SYBU: variants seen among roughly 807,000 people sequenced by gnomAD.
The protein encoded by SYBU is GOLSYN A protein.
In SYBU, 21 loss-of-function variants were observed where a neutral mutation model predicts 35.9. The ratio of observed to expected loss-of-function variants is 0.58; its 90% confidence interval spans 0.41 to 0.84. SYBU has a LOEUF of 0.84. Ranked by LOEUF, SYBU falls within the 40% of genes least tolerant of loss-of-function variation. The probability of loss-of-function intolerance (pLI) is 0.00; values close to 1 mark genes in which losing one functional copy is unlikely to be tolerated. For synonymous variants in SYBU, 319 were observed against 324.3 expected (o/e 0.98, Z 0.18); for missense variants, 768 against 848.2 (o/e 0.91, Z 1.17).
Position 109,575,266 on chromosome 8 carries a change from A to C in SYBU, c.1632T>G (p.Thr544=). Residue 544 remains threonine (T), a synonymous_variant, in exon 7 of 7, where the codon ACT becomes ACG. Transcript: ENST00000276646. ...ESLSALVVDL[T]PRNPNSAILL... is the part of the protein sequence containing the mutation. ...GGATGGCTGAGTTTGGATTTCTTGGAGTTAAATCAACCACTAAGGCAGAGA... is the reference window on the plus strand; with the variant it reads ...GGATGGCTGAGTTTGGATTTCTTGGCGTTAAATCAACCACTAAGGCAGAGA... The C allele has an allele frequency of 1.2e-6, 2 of 1,614,130 alleles. No individual in the cohort carries two copies. Among genetic ancestry groups the C allele is most frequent in the Non-Finnish European group, 1.7e-6 (2 of 1,180,022 alleles).
chr8:109,684,676 G>A (rs1817479592), upstream of SYBU, among the ~76,000 whole-genome samples: 2 of 152,208 alleles, frequency 1.3e-5, no homozygotes. Context: ...AAGTAGGAGA[G>A]AACATTCTAG....
chr8:109,628,287 T>C (rs991010114), intron 2 of SYBU, among the ~76,000 whole-genome samples: 1 of 151,784 alleles, frequency 6.6e-6, no homozygotes, highest in Non-Finnish European at 1.5e-5. Context: ...GGTGAGAGGA[T>C]AGCTTGAGGA....
rs60532150 is a variant in SYBU, at chr8:109,688,640, C to CT, written c.-58+2692dup. ...TATCTTTATGAACATCAGTTTTGTT[C>CT]TTTTTTTTTCTATCCTATCCCGTCT... On this transcript the variant is annotated intron_variant, in intron 1 of 7. Coordinates refer to the SYBU transcript ENST00000422135. Among the ~76,000 whole-genome samples the CT allele has an allele frequency of 2.3e-3, 352 of 151,010 alleles. 1 individual carries two copies. The highest frequency in any genetic ancestry group is 6.5e-3 in the African/African-American group (268 of 41,218).
In SYBU at chr8:109,584,644, G is replaced by A. The variant is rs1892760; in HGVS notation, c.530+1416C>T. ...TAGAGCAATTGTGCTTTATTACTGCGGACTTCACTCTTTTGTTACAGGTTT... is the reference window on the plus strand; with the variant it reads ...TAGAGCAATTGTGCTTTATTACTGCAGACTTCACTCTTTTGTTACAGGTTT... On this transcript the variant is annotated intron_variant, in intron 4 of 6. Transcript: ENST00000276646. This position sits in a 1 kb window ranked among gnomAD's most constrained non-coding sequence, Gnocchi z 4.0. Among the ~76,000 whole-genome samples the A allele has an allele frequency of 0.18, 27,295 of 151,924 alleles. 2,815 individuals are homozygous for A. The highest frequency in any genetic ancestry group is 0.33 in the East Asian group (1,718 of 5,144).
intron 2 of SYBU, among the ~76,000 whole-genome samples, chr8:109,633,800 C>T (rs1813901748): frequency 6.6e-6 from 1 of 152,150 alleles, no homozygotes; most frequent in South Asian, 2.1e-4. Context: ...GTGGCGCAAT[C>T]TTGGCTCACT....
chr8:109,613,927 T>G (rs1399119427), intron 3 of SYBU, among the ~76,000 whole-genome samples: 1 of 152,240 alleles, frequency 6.6e-6, no homozygotes, highest in African/African-American at 2.4e-5. Flanking sequence ...TCAGCTTAGC[T>G]AGGTCTCCAA....
At chr8:109,613,499 T>C (rs1811416776) in intron 3 of SYBU, among the ~76,000 whole-genome samples, 1 of 152,208 alleles carries the variant, frequency 6.6e-6, no homozygotes, top group African/African-American at 2.4e-5. Context: ...CCTAGTATGC[T>C]GGACTCTAGA....
intron 3 of SYBU, among the ~76,000 whole-genome samples, chr8:109,597,779 G>C (rs934522672): frequency 1.3e-5 from 2 of 152,172 alleles, no homozygotes; most frequent in Non-Finnish European, 2.9e-5. Flanking sequence ...TACAGGCAAA[G>C]TAAAAATTTC....
At chr8:109,613,782 A>G (rs1209018251) in intron 3 of SYBU, among the ~76,000 whole-genome samples, 3 of 152,236 alleles carry the variant, frequency 2.0e-5, no homozygotes, top group African/African-American at 7.2e-5. Context: ...ATGAACCTCT[A>G]TTAAGGGAAT....
At chr8:109,690,583 T>C (rs1285453480) in intron 1 of SYBU, among the ~76,000 whole-genome samples, 2 of 152,202 alleles carry the variant, frequency 1.3e-5, no homozygotes, top group Non-Finnish European at 2.9e-5. Flanking sequence ...TGCTGGACAC[T>C]GGGGAAGATA....
Position 109,691,475 on chromosome 8 carries a change from C to G in SYBU, c.-200G>C. On this transcript the variant is annotated 5_prime_UTR_variant, in exon 1 of 8. Transcript: ENST00000422135. This position sits in a 1 kb window ranked among gnomAD's most constrained non-coding sequence, Gnocchi z 4.7. Reference sequence around the variant, plus strand: ...TGGTTTGCGCTCAGGCCCGGGGAGCCGGGCCCGGCCCGCTCCGCCCGCCTT... The same window carrying G: ...TGGTTTGCGCTCAGGCCCGGGGAGCGGGGCCCGGCCCGCTCCGCCCGCCTT... The G allele has an allele frequency of 1.9e-6, 1 of 534,850 alleles. No individual in the cohort carries two copies. The highest frequency in any genetic ancestry group is 3.2e-6 in the Non-Finnish European group (1 of 310,950). The allele number at this position is 534,850 out of a possible 1,614,324, so 33.1% of individuals were successfully genotyped here.
intron 3 of SYBU, among the ~76,000 whole-genome samples, chr8:109,601,726 TA>T (rs1385693140): frequency 6.6e-6 from 1 of 152,006 alleles, no homozygotes; most frequent in Non-Finnish European, 1.5e-5. Flanking sequence ...TCACATGAAC[TA>T]AAACACAGAG....
At chr8:109,678,134 C>CAAAAAA (rs758399888) in intron 1 of SYBU, among the ~76,000 whole-genome samples, 8 of 43,106 alleles carry the variant, frequency 1.9e-4, no homozygotes, top group South Asian at 1.1e-3. Flanking sequence ...AACTCCACCT[C>CAAAAAA]AAAAAAAAAA....
upstream of SYBU, chr8:109,644,862 C>T (rs1453268746): frequency 3.6e-6 from 2 of 551,952 alleles, no homozygotes; most frequent in Non-Finnish European, 6.2e-6. Flanking sequence ...CGGCCGGACA[C>T]GTGGTGCCGC....
intron 1 of SYBU, among the ~76,000 whole-genome samples, chr8:109,654,583 A>G (rs891470211): frequency 2.6e-5 from 4 of 152,130 alleles, no homozygotes; most frequent in Non-Finnish European, 5.9e-5. Context: ...CAATTGCTTC[A>G]ATTGCTATTT....
At chr8:109,657,491 T>C (rs1007108507) in intron 1 of SYBU, among the ~76,000 whole-genome samples, 1 of 152,240 alleles carries the variant, frequency 6.6e-6, no homozygotes, top group Non-Finnish European at 1.5e-5. Context: ...GTTATATACT[T>C]CTGGCATTGG....
chr8:109,689,376 G>T (rs779842788), intron 1 of SYBU, among the ~76,000 whole-genome samples: 2 of 152,116 alleles, frequency 1.3e-5, no homozygotes, highest in Non-Finnish European at 2.9e-5. Flanking sequence ...CTGTCACCCA[G>T]GCTGGAGTGC....
chr8:109,600,149 C>T (rs1825355781), intron 3 of SYBU, among the ~76,000 whole-genome samples: 1 of 152,144 alleles, frequency 6.6e-6, no homozygotes, highest in Non-Finnish European at 1.5e-5. Flanking sequence ...TCCTTGAGGG[C>T]GTGTTCTTTT....
intron 1 of SYBU, among the ~76,000 whole-genome samples, chr8:109,687,836 A>G (rs1469908857): frequency 6.6e-6 from 1 of 152,194 alleles, no homozygotes; most frequent in African/African-American, 2.4e-5. Context: ...AGGTGAGTTC[A>G]CATCTACTCT....
Sources: allele counts gnomAD v4.1 joint callset (sites outside exome capture counted in the v4.1 genomes callset), GRCh38; gene constraint gnomAD v4.1.1; non-coding constraint Gnocchi (gnomAD v3.1); transcripts MANE v1.5; gene names NCBI Gene and HGNC (gene_info 2026-07-23, HGNC 2026-07-21).